NARS2: variants seen among roughly 807,000 people sequenced by gnomAD.
NARS2 encodes asparaginyl-tRNA synthetase 2, mitochondrial.
A neutral mutation model predicts 62.9 loss-of-function variants in NARS2; 60 were observed. The ratio of observed to expected loss-of-function variants is 0.95; its 90% confidence interval spans 0.77 to 1.18. The LOEUF is 1.18. Ranked by LOEUF, NARS2 falls within the 50% of genes most tolerant of loss-of-function variation. The pLI is 0.00. For synonymous variants in NARS2, 196 were observed against 200.0 expected, an observed-to-expected ratio of 0.98 and a Z score of 0.17; for missense variants, 619 against 576.4, an observed-to-expected ratio of 1.07 and a Z score of -0.76.
At chr11:78,542,325 T>C (rs867180867) in intron 5 of NARS2, among the ~76,000 whole-genome samples, 4 of 152,200 alleles carry the variant, frequency 2.6e-5, no homozygotes, top group Non-Finnish European at 5.9e-5. Context: ...AAAGTGAATA[T>C]ACAATGCTGC....
At chr11:78,445,916 T>C (rs987704040) in intron 11 of NARS2, among the ~76,000 whole-genome samples, 1 of 152,188 alleles carries the variant, frequency 6.6e-6, no homozygotes, top group Non-Finnish European at 1.5e-5. Flanking sequence ...GCCATGATTA[T>C]ACCACCTGTA....
At chr11:78,484,677 C>A (rs1212783945) in intron 7 of NARS2, among the ~76,000 whole-genome samples, 1 of 152,162 alleles carries the variant, frequency 6.6e-6, no homozygotes, top group East Asian at 1.9e-4. Flanking sequence ...ATAAAAACCA[C>A]AATGAGATAC....
intron 7 of NARS2, among the ~76,000 whole-genome samples, chr11:78,482,033 T>C (rs1859375886): frequency 1.3e-5 from 2 of 152,110 alleles, no homozygotes; most frequent in South Asian, 4.1e-4. Flanking sequence ...ATTAGTTTCA[T>C]GAAGATCAAC....
chr11:78,487,199 T>C (rs553014073), intron 7 of NARS2, among the ~76,000 whole-genome samples: 1 of 151,432 alleles, frequency 6.6e-6, no homozygotes, highest in Non-Finnish European at 1.5e-5. Flanking sequence ...CTGATAACAG[T>C]ACAAAAATTA....
At chr11:78,474,797 T>C (rs1269790665) in intron 9 of NARS2, among the ~76,000 whole-genome samples, 1 of 152,216 alleles carries the variant, frequency 6.6e-6, no homozygotes, top group Non-Finnish European at 1.5e-5. Flanking sequence ...AATGTCTGAA[T>C]TTTTAATTGA....
intron 9 of NARS2, among the ~76,000 whole-genome samples, chr11:78,473,022 C>T (rs957304897): frequency 3.9e-5 from 6 of 152,276 alleles, no homozygotes; most frequent in Admixed American, 1.3e-4. Context: ...CTAAAGCAGC[C>T]GGGTGTGGTG....
intron 6 of NARS2, among the ~76,000 whole-genome samples, chr11:78,503,993 G>A (rs527835443): frequency 6.6e-6 from 1 of 152,262 alleles, no homozygotes; most frequent in South Asian, 2.1e-4. Context: ...TGAACTATTT[G>A]AACCGTTATC....
Position 78,563,846 on chromosome 11 carries a change from AAAAAAAT to A in NARS2, c.513+2279_513+2285del, listed in dbSNP as rs1387448860. ...CTCTGTATCAAAAAAAAAAAAAAAA[AAAAAAAT>A]ATATATATATATATATGTATACACA... is the stretch of plus-strand genomic sequence containing the variant. On this transcript the variant is annotated intron_variant, in intron 4 of 13. Transcript: ENST00000281038. 2.2e-4 allele frequency among the ~76,000 whole-genome samples: 14 copies of A among 62,486 alleles called. 1 individual carries two copies. The highest frequency in any genetic ancestry group is 1.0e-3 in the African/African-American group (14 of 13,736). The allele number at this position is 62,486 out of a possible 152,430, so 41.0% of individuals were successfully genotyped here. A position where few individuals can be genotyped will look rare whatever the true frequency, so the allele number is the denominator to read the frequency against.
chr11:78,456,719 G>A (rs1057415457), intron 11 of NARS2, among the ~76,000 whole-genome samples: 2 of 152,046 alleles, frequency 1.3e-5, no homozygotes, highest in African/African-American at 4.8e-5. Flanking sequence ...AAGGACTGAG[G>A]GGCAGTCACT....
chr11:78,572,243 AAAGTT>A (rs1278994796), intron 1 of NARS2, among the ~76,000 whole-genome samples: 6 of 152,226 alleles, frequency 3.9e-5, no homozygotes, highest in African/African-American at 1.2e-4. Context: ...TTCACTTGTT[AAAGTT>A]AACATTTATT....
rs76401241 is a variant in NARS2 at position 78,535,203 on chromosome 11, G to A, written c.595-6267C>T. Among the ~76,000 whole-genome samples, 8 of 152,286 alleles carry A rather than the reference G, an allele frequency of 5.3e-5. No individual in the cohort carries two copies. In the East Asian group the frequency reaches 1.5e-3, roughly 29 times the overall value. ...GATAGTGTGATGTGAATATATGGGT[G>A]TTTTCCCCCGCCAAGGAATCTCTGC... is the stretch of plus-strand genomic sequence containing the variant. On this transcript the variant is annotated intron_variant, in intron 5 of 13. Coordinates refer to ENST00000281038, the MANE Select transcript of NARS2 (RefSeq NM_024678.6).
At chr11:78,538,627 G>C (rs535623386) in intron 5 of NARS2, among the ~76,000 whole-genome samples, 13 of 152,220 alleles carry the variant, frequency 8.5e-5, no homozygotes, top group African/African-American at 1.9e-4. Flanking sequence ...CAGTACGTGG[G>C]AAGGGGGTGT....
At chr11:78,446,241 A>G (rs1857756099) in intron 11 of NARS2, among the ~76,000 whole-genome samples, 1 of 152,230 alleles carries the variant, frequency 6.6e-6, no homozygotes, top group South Asian at 2.1e-4. Context: ...ATAATCAACA[A>G]TAAAGAATAA....
intron 2 of NARS2, among the ~76,000 whole-genome samples, chr11:78,570,632 C>T (rs1001513314): frequency 2.0e-5 from 3 of 152,190 alleles, no homozygotes; most frequent in Non-Finnish European, 2.9e-5. Flanking sequence ...CCGTCTGTCT[C>T]GGCCTCCCAA....
At position 78,447,146 on chromosome 11, in the gene NARS2, T is replaced by A. The variant is rs900080529; in HGVS notation, c.1165-3388A>T. ...AATGAAAAATAAAACCACACTGAGT[T>A]ATCACTTCACACCTGTTAGTGTTTT... On this transcript the variant is annotated intron_variant, in intron 11 of 13. Transcript: ENST00000281038. Among the ~76,000 whole-genome samples, 8 of 151,130 alleles carry A rather than the reference T, an allele frequency of 5.3e-5. No homozygotes were observed. The East Asian group carries it at 1.6e-3, about 30-fold the overall frequency.
chr11:78,573,038 A>T (rs981977866), intron 1 of NARS2: 4 of 152,196 alleles, frequency 2.6e-5, no homozygotes, highest in South Asian at 2.1e-4. Context: ...TTTTCTCTTG[A>T]CTAGCACACA....
In NARS2 at chr11:78,568,904, C is replaced by T. The variant is rs766836550; in HGVS notation, c.252-152G>A. 7.8e-4 allele frequency: 444 copies of T among 565,758 alleles called. 2 individuals are homozygous for T. The highest frequency in any genetic ancestry group is 9.9e-4 in the Middle Eastern group (2 of 2,014). 35.0% of individuals were successfully genotyped at this position (565,758 alleles called of 1,614,324 possible). On this transcript the variant is annotated intron_variant, in intron 2 of 13. Coordinates refer to ENST00000281038, the MANE Select transcript of NARS2 (RefSeq NM_024678.6). ...TCTTCAGAATCTATGGATAATCTGT[C>T]GTATAAATAGAGCATAAAGTTATAA...
chr11:78,561,708 T>C lies in NARS2; in HGVS notation c.514-2089A>G, dbSNP rs929510264. On this transcript the variant is annotated intron_variant, in intron 4 of 13. Transcript: ENST00000281038. ...AACAAAAAAGGAAACGTGAAAGGAA[T>C]TGCTAGCCACAGGCAGGCCATAGAC... Among the ~76,000 whole-genome samples the C allele has an allele frequency of 2.6e-5, 4 of 152,282 alleles. No individual in the cohort carries two copies. In the South Asian group the frequency reaches 6.2e-4, roughly 24 times the overall value.
At chr11:78,495,396 C>G (rs1158302311) in intron 6 of NARS2, among the ~76,000 whole-genome samples, 1 of 152,150 alleles carries the variant, frequency 6.6e-6, no homozygotes, top group Non-Finnish European at 1.5e-5. Flanking sequence ...GTCACTTCCC[C>G]TTTGAATCCT....
Sources: gnomAD v4.1 joint callset for allele counts (sites outside exome capture counted in the v4.1 genomes callset) on GRCh38, gnomAD v4.1.1 for gene constraint, MANE v1.5 for transcripts, NCBI Gene and HGNC (gene_info 2026-07-23, HGNC 2026-07-21) for gene names.